The following GLCCI1 variants were observed in gnomAD, a reference collection of about 807,000 sequenced individuals.
The protein encoded by GLCCI1 is glucocorticoid induced 1.
In GLCCI1, 24 loss-of-function variants were observed where a neutral mutation model predicts 52.2. The ratio of observed to expected loss-of-function variants is 0.46; its 90% CI spans 0.33 to 0.65. GLCCI1 has a LOEUF of 0.65. Among genes scored for constraint, GLCCI1 ranks in the 30% least tolerant of loss-of-function variants. GLCCI1 has a pLI of 0.02. For synonymous variants in GLCCI1, 310 were observed against 276.5 expected (o/e 1.12, Z -1.20); for missense variants, 704 against 701.5 (o/e 1.00, Z -0.04).
intron 6 of GLCCI1, among the ~76,000 whole-genome samples, chr7:8,074,011 T>A (rs188399922): frequency 2.0e-5 from 3 of 152,222 alleles, no homozygotes; most frequent in Non-Finnish European, 4.4e-5. Flanking sequence ...CTTTTATATA[T>A]GTAACTATGC....
chr7:7,988,992 CCAA>C (rs1780789060), intron 1 of GLCCI1, among the ~76,000 whole-genome samples: 1 of 152,002 alleles, frequency 6.6e-6, no homozygotes, highest in Non-Finnish European at 1.5e-5. Flanking sequence ...CCCTCATCTG[CCAA>C]CTGGATGCAG....
intron 5 of GLCCI1, among the ~76,000 whole-genome samples, chr7:8,068,801 G>A (rs905262802): frequency 8.5e-5 from 13 of 152,164 alleles, no homozygotes; most frequent in African/African-American, 3.1e-4. Context: ...TGTACAGTCG[G>A]TTGACTTTTC....
chr7:8,067,203 G>A (rs544588132), intron 5 of GLCCI1, among the ~76,000 whole-genome samples: 2 of 152,106 alleles, frequency 1.3e-5, no homozygotes, highest in Middle Eastern at 3.4e-3. Flanking sequence ...TAGCAATCTT[G>A]CTTTTTTTCA....
At chr7:7,995,362 T>C (rs774844191) in intron 1 of GLCCI1, among the ~76,000 whole-genome samples, 7 of 151,966 alleles carry the variant, frequency 4.6e-5, no homozygotes, top group African/African-American at 4.8e-5. Flanking sequence ...ATACAAAAAT[T>C]AGCTGGGCGT....
intron 3 of GLCCI1, among the ~76,000 whole-genome samples, chr7:8,025,633 A>G (rs562462579): frequency 3.3e-5 from 5 of 152,334 alleles, no homozygotes; most frequent in African/African-American, 9.6e-5. Flanking sequence ...AACTTTCCAG[A>G]TTTGATGAAA....
At chr7:8,064,848 C>T (rs1014690434) in intron 5 of GLCCI1, among the ~76,000 whole-genome samples, 18 of 152,216 alleles carry the variant, frequency 1.2e-4, no homozygotes, top group Middle Eastern at 3.4e-3. Flanking sequence ...GCTGGCACTA[C>T]AAGCGTGTGC....
In GLCCI1 at chr7:7,969,499, G is replaced by T; in HGVS notation, c.149G>T (p.Gly50Val). 1 of 1,008,620 alleles carries T rather than the reference G, an allele frequency of 9.9e-7. No individual in the cohort carries two copies. Among genetic ancestry groups the T allele is most frequent in the Non-Finnish European group, 1.2e-6 (1 of 847,802 alleles). 62.5% of individuals were successfully genotyped at this position (1,008,620 alleles called of 1,614,324 possible). ...GGTGCGGGCGGCGGCGGCGGCGTGG[G>T]CTGCGCCCCGGCTGCGGGAGCCGGC... ...GNGAGGGGGV[G>V]CAPAAGAGRL... Residue 50 changes from glycine to valine, a missense_variant, in exon 1 of 8, where the codon GGC becomes GTC. By Grantham distance (109) the Gly-to-Val change is moderately radical. Coordinates refer to ENST00000223145, the MANE Select transcript of GLCCI1 (RefSeq NM_138426.4). The surrounding 1 kb of genome is among the most constrained non-coding windows in gnomAD (Gnocchi z 4.9).
intron 1 of GLCCI1, among the ~76,000 whole-genome samples, chr7:7,983,357 A>G (rs1198685803): frequency 6.6e-6 from 1 of 152,182 alleles, no homozygotes; most frequent in Non-Finnish European, 1.5e-5. Flanking sequence ...TCAAAATATA[A>G]AATAAATGTA....
At chr7:7,986,329 G>C (rs1361924308) in intron 1 of GLCCI1, among the ~76,000 whole-genome samples, 1 of 151,608 alleles carries the variant, frequency 6.6e-6, no homozygotes, top group Non-Finnish European at 1.5e-5. Context: ...TGGCTAACAC[G>C]GTGAAACCCT....
At chr7:7,999,737 T>C (rs1781016077) in intron 1 of GLCCI1, among the ~76,000 whole-genome samples, 1 of 152,034 alleles carries the variant, frequency 6.6e-6, no homozygotes, top group Non-Finnish European at 1.5e-5. Flanking sequence ...AGGCCTCATC[T>C]CTATAAATTT....
In GLCCI1 at chr7:8,034,033, A is replaced by G. The variant is rs138910901; in HGVS notation, c.696+11464A>G. 7.1e-3 allele frequency among the ~76,000 whole-genome samples: 1,087 copies of G among 152,270 alleles called. 14 individuals carry two copies. The highest frequency in any genetic ancestry group is 0.025 in the African/African-American group (1,035 of 41,574). On this transcript the variant is annotated intron_variant, in intron 3 of 7. Transcript: ENST00000223145. Reference sequence around the variant, plus strand: ...GTGAACCTACATTAATATAGTTAGTATAGTATTGGCACACATAAAGATTTA... The same window carrying G: ...GTGAACCTACATTAATATAGTTAGTGTAGTATTGGCACACATAAAGATTTA...
At chr7:7,973,035 T>C (rs1780386414) in intron 1 of GLCCI1, among the ~76,000 whole-genome samples, 1 of 152,208 alleles carries the variant, frequency 6.6e-6, no homozygotes, top group African/African-American at 2.4e-5. Flanking sequence ...ATTAGTAAAA[T>C]GTCATCCTCC....
At chr7:8,062,131 G>T (rs1782531454) in intron 5 of GLCCI1, among the ~76,000 whole-genome samples, 1 of 152,072 alleles carries the variant, frequency 6.6e-6, no homozygotes, top group East Asian at 1.9e-4. Flanking sequence ...ACTTGGTAAG[G>T]TACCTCTGCT....
chr7:8,068,762 G>A (rs902382673), intron 5 of GLCCI1, among the ~76,000 whole-genome samples: 2 of 152,194 alleles, frequency 1.3e-5, no homozygotes, highest in Non-Finnish European at 2.9e-5. Flanking sequence ...ACCTGTGTGG[G>A]CTGATGTTCC....
chr7:7,989,429 T>C (rs1320119549), intron 1 of GLCCI1, among the ~76,000 whole-genome samples: 1 of 152,154 alleles, frequency 6.6e-6, no homozygotes, highest in Non-Finnish European at 1.5e-5. Context: ...TCATGGTCTT[T>C]TATATAAATG....
chr7:7,983,195 C>T (rs540441528), intron 1 of GLCCI1, among the ~76,000 whole-genome samples: 33 of 137,226 alleles, frequency 2.4e-4, no homozygotes, highest in Admixed American at 5.1e-4. Flanking sequence ...GAAAATCTTA[C>T]GGCCTCTGAC....
At chr7:8,070,782 A>C in intron 5 of GLCCI1, 139 bp from the exon 6 acceptor site, 1 of 665,918 alleles carries the variant, frequency 1.5e-6, no homozygotes, top group Non-Finnish European at 2.6e-6. Context: ...AGCTTAAGAC[A>C]CAAGCTTGGT....
chr7:8,012,381 G>T (rs1191524364), intron 2 of GLCCI1, among the ~76,000 whole-genome samples: 3 of 147,552 alleles, frequency 2.0e-5, no homozygotes, highest in Non-Finnish European at 4.5e-5. Context: ...TCTCTTATCA[G>T]ATACATGGTT....
Position 8,083,112 on chromosome 7 carries a change from A to G in GLCCI1, c.1178-1785A>G, listed in dbSNP as rs114922569. ...GGCATCTCATGCCATATCTACTTGTATTTTTTTATTTTTATTTTAAAAATT... is the reference window on the plus strand; with the variant it reads ...GGCATCTCATGCCATATCTACTTGTGTTTTTTTATTTTTATTTTAAAAATT... On this transcript the variant is annotated intron_variant, in intron 6 of 7. Coordinates refer to ENST00000223145, the MANE Select transcript of GLCCI1 (RefSeq NM_138426.4). Among the ~76,000 whole-genome samples, 1,244 of 152,080 alleles carry G rather than the reference A, an allele frequency of 8.2e-3. 22 individuals carry two copies. The highest frequency in any genetic ancestry group is 0.028 in the African/African-American group (1,171 of 41,488).
Sources: allele counts gnomAD v4.1 joint callset (sites outside exome capture counted in the v4.1 genomes callset), GRCh38; gene constraint gnomAD v4.1.1; non-coding constraint Gnocchi (gnomAD v3.1); transcripts MANE v1.5; gene names NCBI Gene and HGNC (gene_info 2026-07-23, HGNC 2026-07-21).